The following PPP3CA variants were observed in gnomAD, a reference collection of about 807,000 sequenced individuals.
The protein encoded by PPP3CA is protein phosphatase 3 catalytic subunit alpha, also known as CAM-PRP catalytic subunit.
In PPP3CA, 14 loss-of-function variants were observed where a neutral mutation model predicts 66.5. The ratio of observed to expected loss-of-function variants is 0.21; its 90% CI spans 0.14 to 0.33. The LOEUF is 0.33. Among genes scored for constraint, PPP3CA ranks in the 10% least tolerant of loss-of-function variants. The probability of loss-of-function intolerance (pLI) is 1.00; values close to 1 mark genes in which losing one functional copy is unlikely to be tolerated. For synonymous variants in PPP3CA, 232 were observed against 226.2 expected, an observed-to-expected ratio of 1.03 and a Z score of -0.23; for missense variants, 317 against 639.5, an observed-to-expected ratio of 0.50 and a Z score of 5.44.
intron 2 of PPP3CA, among the ~76,000 whole-genome samples, chr4:101,118,015 C>A (rs1004535642): frequency 6.6e-6 from 1 of 151,952 alleles, no homozygotes; most frequent in Non-Finnish European, 1.5e-5. Context: ...CAGATTAACT[C>A]CCTCTAGGAC....
chr4:101,044,322 G>A (rs190763451), intron 10 of PPP3CA, among the ~76,000 whole-genome samples: 1 of 152,182 alleles, frequency 6.6e-6, no homozygotes, highest in African/African-American at 2.4e-5. Context: ...TCAAGAATAA[G>A]TACATGTTTT....
chr4:101,098,287 A>T (rs972634228), intron 5 of PPP3CA, 80 bp downstream of exon 5: 17 of 1,399,164 alleles, frequency 1.2e-5, no homozygotes, highest in Admixed American at 2.6e-5. Context: ...AAAGTCAGTG[A>T]TAAAGGCAGG....
At chr4:101,078,042 G>A (rs1228799616) in intron 8 of PPP3CA, among the ~76,000 whole-genome samples, 1 of 151,908 alleles carries the variant, frequency 6.6e-6, no homozygotes, top group Non-Finnish European at 1.5e-5. Flanking sequence ...AAACTGTTGG[G>A]AAACTTCTAA....
intron 1 of PPP3CA, among the ~76,000 whole-genome samples, chr4:101,248,886 C>T (rs1391857462): frequency 2.6e-5 from 4 of 152,094 alleles, no homozygotes; most frequent in Admixed American, 2.0e-4. Context: ...ACTGGCCGGG[C>T]GCGGTGGCTC....
At chr4:101,106,441 GAAAGAAAGA>G (rs1243916585) in intron 3 of PPP3CA, among the ~76,000 whole-genome samples, 533 of 11,292 alleles carry the variant, frequency 0.047, 133 homozygotes, top group South Asian at 0.32. Context: ...AAGAAAGAAA[GAAAGAAAGA>G]AAGAGAAAAG....
intron 2 of PPP3CA, among the ~76,000 whole-genome samples, chr4:101,135,521 C>T (rs573188414): frequency 6.6e-6 from 1 of 152,322 alleles, no homozygotes; most frequent in Admixed American, 6.5e-5. Flanking sequence ...TCAATGGCAG[C>T]ATGATACCTG....
intron 1 of PPP3CA, among the ~76,000 whole-genome samples, chr4:101,278,136 A>AAAAAAAAAAAAAAT (rs1553937788): frequency 6.9e-6 from 1 of 145,840 alleles, no homozygotes; most frequent in African/African-American, 2.7e-5. Flanking sequence ...AAAAAAAAAA[A>AAAAAAAAAAAAAAT]AAATAAAAAA....
chr4:101,189,614 A>G (rs1440275958), intron 2 of PPP3CA, among the ~76,000 whole-genome samples: 1 of 151,164 alleles, frequency 6.6e-6, no homozygotes, highest in African/African-American at 2.4e-5. Flanking sequence ...AATGGAACTG[A>G]TAACAGTACT....
chr4:101,305,556 G>C (rs1192095793), intron 1 of PPP3CA, among the ~76,000 whole-genome samples: 1 of 152,132 alleles, frequency 6.6e-6, no homozygotes, highest in Non-Finnish European at 1.5e-5. Flanking sequence ...TTTAAGGCCA[G>C]GCTAACTGAT....
At chr4:101,177,512 T>TG (rs1724100699) in intron 2 of PPP3CA, among the ~76,000 whole-genome samples, 1 of 151,822 alleles carries the variant, frequency 6.6e-6, no homozygotes, top group Non-Finnish European at 1.5e-5. Flanking sequence ...CTGTTAAGCT[T>TG]GGGAAAAAAA....
At chr4:101,338,010 T>A (rs1394055070) in intron 1 of PPP3CA, among the ~76,000 whole-genome samples, 9 of 152,202 alleles carry the variant, frequency 5.9e-5, no homozygotes, top group Non-Finnish European at 1.5e-5. Context: ...CTGTTCTAAT[T>A]CCTAATCTTA....
At chr4:101,078,554 T>C (rs1433671279) in intron 8 of PPP3CA, among the ~76,000 whole-genome samples, 1 of 152,224 alleles carries the variant, frequency 6.6e-6, no homozygotes, top group Non-Finnish European at 1.5e-5. Flanking sequence ...TTGGGTCTTA[T>C]ATTTTTAGTT....
rs1248964254 is a variant in PPP3CA at position 101,063,214 on chromosome 4, C to T, written c.1081+18G>A. The T allele has an allele frequency of 6.2e-7, 1 of 1,608,958 alleles. No homozygotes were observed. The highest frequency in any genetic ancestry group is 8.5e-7 in the Non-Finnish European group (1 of 1,176,846). On this transcript the variant is annotated intron_variant, in intron 9 of 13. Transcript: ENST00000394854. ...CTAAACTATTTTAAGAAGAACATCT[C>T]AGGATTCCACAACATACCTTTTTCC...
chr4:101,198,508 C>A (rs1724870865), intron 1 of PPP3CA, among the ~76,000 whole-genome samples: 1 of 152,082 alleles, frequency 6.6e-6, no homozygotes, highest in Admixed American at 6.6e-5. Flanking sequence ...AGTGGCTCTG[C>A]ATAACTGTCA....
rs762818473 is a variant in PPP3CA, at chr4:101,024,388, A to C, written c.*1477T>G. On this transcript the variant is annotated 3_prime_UTR_variant, in exon 14 of 14. Transcript: ENST00000394854. ...AATGCTTTTTCTTTTTCATTGTTAC[A>C]AGTGCATGCTTTGATTGCCAACATG... 2 of 152,664 alleles carry C rather than the reference A, an allele frequency of 1.3e-5. No homozygotes were observed. Among genetic ancestry groups the C allele is most frequent in the Admixed American group, 6.5e-5 (1 of 15,284 alleles). The allele number at this position is 152,664 out of a possible 1,614,324, so 9.5% of individuals were successfully genotyped here. A position where few individuals can be genotyped will look rare whatever the true frequency, so the allele number is the denominator to read the frequency against.
At chr4:101,083,328 T>C in intron 6 of PPP3CA, 65 bp from the exon 7 acceptor site, 2 of 1,342,976 alleles carry the variant, frequency 1.5e-6, no homozygotes, top group Non-Finnish European at 1.1e-6. Flanking sequence ...CACATTTATC[T>C]CTAACATCCA....
chr4:101,330,259 T>A, intron 1 of PPP3CA: 1 of 426,612 alleles, frequency 2.3e-6, no homozygotes, highest in South Asian at 1.8e-5. Flanking sequence ...TAAAAGTGAA[T>A]CCTGAAGATA....
chr4:101,094,630 C>T (rs1452030583), intron 5 of PPP3CA, among the ~76,000 whole-genome samples: 1 of 152,110 alleles, frequency 6.6e-6, no homozygotes, highest in African/African-American at 2.4e-5. Context: ...CTTCAGTTCA[C>T]AGTTCTAAGC....
chr4:101,214,593 A>G (rs1725401860), intron 1 of PPP3CA, among the ~76,000 whole-genome samples: 2 of 152,070 alleles, frequency 1.3e-5, no homozygotes, highest in South Asian at 4.1e-4. Context: ...AGCAAGTTCA[A>G]TTTCTACCTA....
Sources: gnomAD v4.1 joint callset for allele counts (sites outside exome capture counted in the v4.1 genomes callset) on GRCh38, gnomAD v4.1.1 for gene constraint, MANE v1.5 for transcripts, NCBI Gene and HGNC (gene_info 2026-07-23, HGNC 2026-07-21) for gene names.